The following DDB1 variants were observed in gnomAD, a reference collection of about 807,000 sequenced individuals.
DDB1 encodes damage specific DNA binding protein 1, also known as DNA damage-binding protein 1.
A neutral mutation model predicts 133.1 loss-of-function variants in DDB1; 18 were observed. The ratio of observed to expected loss-of-function variants is 0.14; its 90% confidence interval spans 0.09 to 0.20. The LOEUF (loss-of-function observed/expected upper bound fraction) is 0.20. Among genes scored for constraint, DDB1 ranks in the 10% least tolerant of loss-of-function variants. The pLI, the probability that DDB1 is intolerant of heterozygous loss-of-function variation, is 1.00. For synonymous variants in DDB1, 580 were observed against 550.5 expected (o/e 1.05, Z -0.75); for missense variants, 828 against 1,459.2 (o/e 0.57, Z 7.05).
chr11:61,314,138 A>G lies in DDB1; in HGVS notation c.1662T>C (p.Pro554=), dbSNP rs1165049588. 6.2e-7 allele frequency: 1 copy of G among 1,614,152 alleles called. No individual in the cohort carries two copies. The highest frequency in any genetic ancestry group is 8.5e-7 in the Non-Finnish European group (1 of 1,179,994). Residue 554 remains proline, a synonymous_variant, in exon 14 of 27, where the codon CCT becomes CCC. Coordinates refer to ENST00000301764, the MANE Select transcript of DDB1 (RefSeq NM_001923.5). ...CCGTCCAGAGGCCAATGGCACAAAGAGGGGACAGTCCATTGCTGTCTCCTA... is the reference window on the plus strand; with the variant it reads ...CCGTCCAGAGGCCAATGGCACAAAGGGGGGACAGTCCATTGCTGTCTCCTA... ...TPLGDSNGLS[P]LCAIGLWTDI...
In DDB1 at chr11:61,325,205, G is replaced by A. The variant is rs55732834; in HGVS notation, c.762+406C>T. On this transcript the variant is annotated intron_variant, in intron 6 of 26. Coordinates refer to ENST00000301764, the MANE Select transcript of DDB1 (RefSeq NM_001923.5). ...CCTCTTAAAGTTGCCCCATGTGGTAGTTCATGCCTGTAATCCTAGCTACTT... is the reference window on the plus strand; with the variant it reads ...CCTCTTAAAGTTGCCCCATGTGGTAATTCATGCCTGTAATCCTAGCTACTT... Among the ~76,000 whole-genome samples the A allele has an allele frequency of 3.4e-4, 52 of 152,084 alleles. 1 individual carries two copies. Among genetic ancestry groups the A allele is most frequent in the African/African-American group, 1.1e-3 (46 of 41,508 alleles).
rs1242427052 is a variant in DDB1, at chr11:61,313,604, C to T, written c.1964G>A (p.Arg655His). ...STTNVFACSD[R>H]PTVIYSSNHK... is the part of the protein sequence containing the mutation. ...GTTGCTGCTATAGATGACAGTGGGGCGGTCAGAACAAGCAAAGACGTTGGT... is the reference window on the plus strand; with the variant it reads ...GTTGCTGCTATAGATGACAGTGGGGTGGTCAGAACAAGCAAAGACGTTGGT... Residue 655 changes from arginine (R) to histidine (H), a missense_variant, in exon 16 of 27, where the codon CGC (arginine) becomes CAC (histidine). Arg to His is a conservative substitution (Grantham distance 29). Coordinates refer to ENST00000301764, the MANE Select transcript of DDB1 (RefSeq NM_001923.5). 3.1e-6 allele frequency: 5 copies of T among 1,614,034 alleles called. No homozygotes were observed. Among genetic ancestry groups the T allele is most frequent in the Non-Finnish European group, 4.2e-6 (5 of 1,180,014 alleles).
rs752445284 is a variant in DDB1, at chr11:61,302,570, G to A, written c.3112+12C>T. On this transcript the variant is annotated intron_variant, in intron 24 of 26. Transcript: ENST00000301764. ...GCCTGTGTGGGGGTGTGCCCCACAG[G>A]GGTGACCTTACCTATCATGCCGTTG... 1.8e-5 allele frequency: 29 copies of A among 1,613,928 alleles called. No individual in the cohort carries two copies. The South Asian group carries it at 2.1e-4, about 12-fold the overall frequency.
chr11:61,329,329 C>T (rs370448576), intron 4 of DDB1, 34 bp downstream of exon 4: 5 of 1,603,254 alleles, frequency 3.1e-6, no homozygotes, highest in Middle Eastern at 3.3e-4. Flanking sequence ...ACATCAACCT[C>T]ACAGTTTCTC....
chr11:61,304,127 C>T (rs1855845742), intron 21 of DDB1, 92 bp from the exon 22 acceptor site: 4 of 1,435,022 alleles, frequency 2.8e-6, no homozygotes, highest in African/African-American at 1.4e-5. Flanking sequence ...TGCAGCACTA[C>T]TTCTCAAAGT....
At position 61,300,035 on chromosome 11, in the gene DDB1, G is replaced by C. The variant is rs1855765619; in HGVS notation, c.*101C>G. On this transcript the variant is annotated 3_prime_UTR_variant, in exon 27 of 27. Transcript: ENST00000301764. ...TGGCTCTGGGGGCAGCTGGCTTAGGGAAAGGCCTCCCATGGCCAAGAAGAC... is the reference window on the plus strand; with the variant it reads ...TGGCTCTGGGGGCAGCTGGCTTAGGCAAAGGCCTCCCATGGCCAAGAAGAC... 8.1e-7 allele frequency: 1 copy of C among 1,230,350 alleles called. No individual in the cohort carries two copies. Among genetic ancestry groups the C allele is most frequent in the Non-Finnish European group, 1.2e-6 (1 of 844,074 alleles). 76.2% of individuals were successfully genotyped at this position (1,230,350 alleles called of 1,614,324 possible). A position where few individuals can be genotyped will look rare whatever the true frequency, so the allele number is the denominator to read the frequency against.
intron 21 of DDB1, among the ~76,000 whole-genome samples, chr11:61,307,349 G>A (rs750592228): frequency 2.6e-5 from 4 of 152,210 alleles, no homozygotes; most frequent in Admixed American, 6.5e-5. Flanking sequence ...CAAGAGCTCT[G>A]ATCAAGTTTA....
At chr11:61,331,435 C>A in intron 2 of DDB1, 108 bp downstream of exon 2, 1 of 1,454,146 alleles carries the variant, frequency 6.9e-7, no homozygotes, top group East Asian at 2.4e-5. Context: ...CTGGGCAACA[C>A]TGTGAGACCC....
In DDB1 at chr11:61,323,105, G is replaced by A. The variant is rs759053643; in HGVS notation, c.922-11C>T. 6.2e-7 allele frequency: 1 copy of A among 1,612,264 alleles called. No homozygotes were observed. The highest frequency in any genetic ancestry group is 8.5e-7 in the Non-Finnish European group (1 of 1,178,840). ...CTCAGCAATAGAGGTCTGGAAGAAA[G>A]TCAGCAACGTGAAAGAAATGAGAAT... On this transcript the variant is annotated splice_polypyrimidine_tract_variant and intron_variant, in intron 7 of 26. Coordinates refer to ENST00000301764, the MANE Select transcript of DDB1 (RefSeq NM_001923.5).
chr11:61,310,089 C>T, intron 19 of DDB1, 129 bp from the exon 20 acceptor site: 1 of 1,403,486 alleles, frequency 7.1e-7, no homozygotes, highest in Non-Finnish European at 1.0e-6. Context: ...CCTGTCTCAT[C>T]AGATTATCCA....
At chr11:61,307,819 C>CCCTTTATT (rs1855901275) in intron 21 of DDB1, among the ~76,000 whole-genome samples, 2 of 150,878 alleles carry the variant, frequency 1.3e-5, no homozygotes, top group African/African-American at 5.0e-5. Context: ...CAAAACCCGA[C>CCCTTTATT]CCTTTATTCC....
At chr11:61,317,600 G>A (rs1001652656) in intron 10 of DDB1, among the ~76,000 whole-genome samples, 3 of 151,948 alleles carry the variant, frequency 2.0e-5, no homozygotes, top group East Asian at 1.9e-4. Context: ...TCCGCCTCCC[G>A]GGTTCAAGCG....
chr11:61,326,860 C>A lies in DDB1; in HGVS notation c.583G>T (p.Val195Leu). 6.2e-7 allele frequency: 1 copy of A among 1,614,062 alleles called. No individual in the cohort carries two copies. Residue 195 changes from valine (V) to leucine (L), a missense_variant, in exon 5 of 27, where the codon GTG (valine) becomes TTG (leucine). Val to Leu is a conservative substitution (Grantham distance 32). Transcript: ENST00000301764. ...PQGRHVKTYE[V>L]SLREKEFNKG... ...TTGAATTCCTTTTCTCGGAGAGACA[C>A]CTCATAGGTTTTTACGTGCCGCCCC... is the stretch of plus-strand genomic sequence containing the variant.
At chr11:61,311,338 C>G (rs546706352) in intron 18 of DDB1, 1 of 158,632 alleles carries the variant, frequency 6.3e-6, no homozygotes, top group African/African-American at 2.4e-5. Context: ...CATAACATAA[C>G]ATAACAAACA....
chr11:61,323,834 A>G, intron 7 of DDB1, 145 bp downstream of exon 7: 1 of 846,756 alleles, frequency 1.2e-6, no homozygotes, highest in Non-Finnish European at 1.9e-6. Context: ...TAACTCATTC[A>G]ACAGTCAACT....
At chr11:61,312,375 CCTGT>C (rs1855987664) in intron 16 of DDB1, among the ~76,000 whole-genome samples, 3 of 152,142 alleles carry the variant, frequency 2.0e-5, no homozygotes, top group Admixed American at 2.0e-4. Flanking sequence ...CAAACTACTG[CCTGT>C]GTCAGAGTTG....
chr11:61,316,574 C>A lies in DDB1; in HGVS notation c.1226-7G>T. On this transcript the variant is annotated splice_polypyrimidine_tract_variant and splice_region_variant and intron_variant, in intron 10 of 26. Transcript: ENST00000301764. ...GACCGCAGTGGCCATAATCCTGGAA[C>A]AAGGACCAAGGATTCAGATGCATAG... 6.2e-7 allele frequency: 1 copy of A among 1,613,980 alleles called. No homozygotes were observed. Among genetic ancestry groups the A allele is most frequent in the Non-Finnish European group, 8.5e-7 (1 of 1,179,994 alleles).
At chr11:61,305,011 C>T (rs753249722) in intron 21 of DDB1, among the ~76,000 whole-genome samples, 6 of 152,186 alleles carry the variant, frequency 3.9e-5, no homozygotes, top group Non-Finnish European at 7.3e-5. Flanking sequence ...CTACTTGGCA[C>T]GGCCCAGTGC....
chr11:61,319,818 C>T (rs994653907), intron 10 of DDB1, among the ~76,000 whole-genome samples: 1 of 152,226 alleles, frequency 6.6e-6, no homozygotes, highest in African/African-American at 2.4e-5. Context: ...ACATTGTATA[C>T]ATATTCAGGT....
Sources: allele counts gnomAD v4.1 joint callset (sites outside exome capture counted in the v4.1 genomes callset), GRCh38; gene constraint gnomAD v4.1.1; transcripts MANE v1.5; gene names NCBI Gene and HGNC (gene_info 2026-07-23, HGNC 2026-07-21).